Variants in PARP14 observed in about 807,000 individuals in gnomAD.
PARP14 encodes the protein poly(ADP-ribose) polymerase family member 14.
Under a neutral mutation model 154.2 loss-of-function variants are expected in PARP14, and 59 were observed. That is an observed-to-expected ratio of 0.38 (90% CI 0.31 to 0.48). PARP14 has a LOEUF of 0.48. PARP14 is among the 20% of genes least tolerant of loss of function. The pLI, the probability that PARP14 is intolerant of heterozygous loss-of-function variation, is 0.98. For synonymous variants in PARP14, 720 were observed against 780.5 expected (o/e 0.92, Z 1.29); for missense variants, 1,734 against 2,131.6 (o/e 0.81, Z 3.67).
chr3:122,724,030 G>T (rs1291569069), intron 15 of PARP14, among the ~76,000 whole-genome samples: 4 of 152,286 alleles, frequency 2.6e-5, no homozygotes, highest in Non-Finnish European at 2.9e-5. Flanking sequence ...TGGCTGGCAG[G>T]AAGTTGGGTC....
chr3:122,688,621 G>A (rs1938448078), intron 3 of PARP14, among the ~76,000 whole-genome samples: 2 of 152,282 alleles, frequency 1.3e-5, no homozygotes, highest in Admixed American at 1.3e-4. Context: ...CCTGACTATG[G>A]CCCTAAGGCT....
At position 122,704,736 on chromosome 3, in the gene PARP14, T is replaced by C. The variant is rs1939097344; in HGVS notation, c.3528T>C (p.His1176=). 2 of 1,591,804 alleles carry C rather than the reference T, an allele frequency of 1.3e-6. No individual in the cohort carries two copies. The highest frequency in any genetic ancestry group is 2.2e-5 in the East Asian group (1 of 44,490). Residue 1176 remains histidine, a synonymous_variant, in exon 8 of 17, where the codon CAT becomes CAC. Transcript: ENST00000474629. ...EVHFLLHPSD[H]ENIQAFSDEF... is the part of the protein sequence containing the mutation. ...ACTTTCTGCTGCACCCGAGTGATCA[T>C]GAAAATATTCAGGTACAGTGCCACT...
At chr3:122,714,529 G>A in intron 12 of PARP14, 100 bp downstream of exon 12, 1 of 834,240 alleles carries the variant, frequency 1.2e-6, no homozygotes, top group Non-Finnish European at 1.8e-6. Flanking sequence ...TCTGACCCAG[G>A]GCAGCAACCA....
In PARP14 at chr3:122,714,420, A is replaced by G. The variant is rs1167673255; in HGVS notation, c.3991A>G (p.Ile1331Val). The G allele has an allele frequency of 1.9e-6, 3 of 1,577,176 alleles. No individual in the cohort carries two copies. Among genetic ancestry groups the G allele is most frequent in the Non-Finnish European group, 2.6e-6 (3 of 1,168,154 alleles). Residue 1331 changes from isoleucine (I) to valine (V), a missense_variant, in exon 12 of 17, where the codon ATT becomes GTT. By Grantham distance (29) the Ile-to-Val change is conservative. Transcript: ENST00000474629. ...TTACTCATCCATTTGCCTCCCAGCC[A>G]TTGGGACAGGTTCGTAGCCTCTGGC... Reference protein sequence around the residue: ...KNYSSICLPAIGTGNAKQHPD... With the variant: ...KNYSSICLPAVGTGNAKQHPD...
intron 3 of PARP14, 139 bp from the exon 4 acceptor site, chr3:122,692,162 G>A (rs1191444769): frequency 3.7e-6 from 2 of 545,214 alleles, no homozygotes; most frequent in Non-Finnish European, 6.3e-6. Flanking sequence ...AAAGCAAAAA[G>A]CCATCCAAGG....
At chr3:122,691,554 G>C (rs1938540546) in intron 3 of PARP14, among the ~76,000 whole-genome samples, 1 of 152,082 alleles carries the variant, frequency 6.6e-6, no homozygotes, top group African/African-American at 2.4e-5. Context: ...CTATTTTTTG[G>C]AGTATAATGT....
At position 122,704,689 on chromosome 3, in the gene PARP14, C is replaced by T. The variant is rs1486472264; in HGVS notation, c.3481C>T (p.Leu1161=). 6.2e-7 allele frequency: 1 copy of T among 1,607,308 alleles called. No homozygotes were observed. The highest frequency in any genetic ancestry group is 8.5e-7 in the Non-Finnish European group (1 of 1,176,288). ...EVFKFSSKNQ[L]KTLQEVHFLL... is the part of the protein sequence containing the mutation. ...GTTCAAATTTAGTAGCAAGAATCAG[C>T]TGAAAACTTTACAAGAGGTTCACTT... is the stretch of plus-strand genomic sequence containing the variant. Residue 1161 remains leucine (L), a synonymous_variant, in exon 8 of 17, where the codon CTG becomes TTG. Coordinates refer to ENST00000474629, the MANE Select transcript of PARP14 (RefSeq NM_017554.3).
intron 11 of PARP14, 141 bp from the exon 12 acceptor site, chr3:122,714,121 T>C (rs1932925420): frequency 1.3e-6 from 1 of 784,480 alleles, no homozygotes; most frequent in South Asian, 1.8e-5. Flanking sequence ...AGTTAAGTCA[T>C]AGCATTCCAT....
intron 5 of PARP14, 142 bp downstream of exon 5, chr3:122,695,804 G>A: frequency 1.7e-6 from 1 of 587,284 alleles, no homozygotes; most frequent in East Asian, 2.8e-5. Flanking sequence ...CTGTTCATCT[G>A]CGATATGATG....
At position 122,728,872 on chromosome 3, in the gene PARP14, G is replaced by T. The variant is rs1560089965; in HGVS notation, c.*275G>T. 8.1e-6 allele frequency: 3 copies of T among 369,632 alleles called. No individual in the cohort carries two copies. Among genetic ancestry groups the T allele is most frequent in the South Asian group, 2.9e-5 (1 of 35,018 alleles). The allele number at this position is 369,632 out of a possible 1,614,324, so 22.9% of individuals were successfully genotyped here. Reference sequence around the variant, plus strand: ...CATCAAATCTGTGGGAAAAGAACAGGTTTGTATTTTCAGGAAGGAGAGAAT... The same window carrying T: ...CATCAAATCTGTGGGAAAAGAACAGTTTTGTATTTTCAGGAAGGAGAGAAT... On this transcript the variant is annotated 3_prime_UTR_variant, in exon 17 of 17. Transcript: ENST00000474629.
chr3:122,723,187 G>A (rs556412487), intron 15 of PARP14, among the ~76,000 whole-genome samples: 94 of 152,112 alleles, frequency 6.2e-4, no homozygotes, highest in African/African-American at 2.1e-3. Context: ...TGATCCCCCC[G>A]CCTGGGCCTC....
Position 122,728,766 on chromosome 3 carries a change from G to A in PARP14, c.*169G>A, listed in dbSNP as rs1933350132. On this transcript the variant is annotated 3_prime_UTR_variant, in exon 17 of 17. Transcript: ENST00000474629. Reference sequence around the variant, plus strand: ...TCAGCTTCCCTTTCATAATGGAAATGAACTTATTATCTTGAGAGCAAATAA... The same window carrying A: ...TCAGCTTCCCTTTCATAATGGAAATAAACTTATTATCTTGAGAGCAAATAA... The A allele has an allele frequency of 1.7e-6, 1 of 596,258 alleles. No individual in the cohort carries two copies. Among genetic ancestry groups the A allele is most frequent in the South Asian group, 2.1e-5 (1 of 46,670 alleles). 36.9% of individuals were successfully genotyped at this position (596,258 alleles called of 1,614,324 possible).
chr3:122,730,398 T>C lies in PARP14; in HGVS notation c.*1801T>C, dbSNP rs903449176. On this transcript the variant is annotated 3_prime_UTR_variant, in exon 17 of 17. Transcript: ENST00000474629. ...AGAGCTGATACTGACACGGAGCCAA[T>C]GCAGATAGCACATCAGATGCTAGGG... The C allele has an allele frequency of 1.3e-5, 2 of 152,236 alleles. No homozygotes were observed. The highest frequency in any genetic ancestry group is 2.4e-5 in the African/African-American group (1 of 41,460). The allele number at this position is 152,236 out of a possible 1,614,324, so 9.4% of individuals were successfully genotyped here.
In PARP14 at chr3:122,701,251, AG is replaced by A. The variant is rs770305167; in HGVS notation, c.2698del (p.Ala900LeufsTer8). On this transcript the variant is annotated frameshift_variant, in exon 6 of 17. Transcript: ENST00000474629. LOFTEE classifies it high-confidence loss of function. The surrounding 1 kb of genome is among the most constrained non-coding windows in gnomAD (Gnocchi z 4.0). ...CGAGGTGTGTGTACCTATTAAGGAG[AG>A]CTGTGCAACTCAGTCTCTGTCTAGC... is the stretch of plus-strand genomic sequence containing the variant. ...APRCVYLLRR[A>X]VQLSLCLAEK... 25 of 1,613,704 alleles carry A rather than the reference AG, an allele frequency of 1.5e-5. No individual in the cohort carries two copies. Among genetic ancestry groups the A allele is most frequent in the Non-Finnish European group, 2.1e-5 (25 of 1,179,782 alleles).
At chr3:122,720,732 G>A (rs112698006) in intron 15 of PARP14, 1 of 465,024 alleles carries the variant, frequency 2.2e-6, no homozygotes, top group Admixed American at 2.3e-5. Flanking sequence ...CCTTAGATCA[G>A]GACCATGTTA....
intron 3 of PARP14, among the ~76,000 whole-genome samples, chr3:122,689,033 G>T (rs1158222394): frequency 6.6e-6 from 1 of 152,154 alleles, no homozygotes; most frequent in Non-Finnish European, 1.5e-5. Context: ...AGAGACAAGG[G>T]CAAGAGCAGA....
intron 1 of PARP14, 92 bp from the exon 2 acceptor site, chr3:122,685,093 T>G (rs1938327477): frequency 7.1e-7 from 1 of 1,403,772 alleles, no homozygotes; most frequent in African/African-American, 1.4e-5. Flanking sequence ...AGCCATTGAT[T>G]GATGGTAATG....
Position 122,703,788 on chromosome 3 carries a change from G to T in PARP14, c.3128G>T (p.Arg1043Ile). 1.2e-6 allele frequency: 2 copies of T among 1,613,876 alleles called. No homozygotes were observed. Among genetic ancestry groups the T allele is most frequent in the Non-Finnish European group, 1.7e-6 (2 of 1,179,810 alleles). ...NSVPLDLVLS[R>I]GPLSKSLLEK... ...GTTCCCTTGGATCTCGTGCTTAGTA[G>T]AGGGCCTCTTTCTAAGTCCCTCTTG... The change falls in exon 7 of 17, where the codon AGA becomes ATA. Residue 1043 changes from arginine (R) to isoleucine (I), a missense_variant. Physicochemically the swap from Arg to Ile is moderately conservative, Grantham distance 97. Transcript: ENST00000474629.
intron 1 of PARP14, among the ~76,000 whole-genome samples, chr3:122,683,660 G>T (rs1938283802): frequency 1.3e-5 from 2 of 152,176 alleles, no homozygotes; most frequent in Admixed American, 1.3e-4. Flanking sequence ...GGTAAGGGAG[G>T]TTGGACATCA....
Sources: gnomAD v4.1 joint callset for allele counts (sites outside exome capture counted in the v4.1 genomes callset) on GRCh38, gnomAD v4.1.1 for gene constraint, Gnocchi (gnomAD v3.1) non-coding constraint, MANE v1.5 for transcripts, NCBI Gene and HGNC (gene_info 2026-07-23, HGNC 2026-07-21) for gene names.